FANK1: variants seen among roughly 807,000 people sequenced by gnomAD.
The protein encoded by FANK1 is fibronectin type III and ankyrin repeat domains 1, also known as fibronectin type 3 and ankyrin repeat domains protein 1.
A neutral mutation model predicts 45.3 loss-of-function variants in FANK1; 44 were observed. The ratio of observed to expected loss-of-function variants is 0.97; its 90% CI spans 0.76 to 1.25. FANK1 has a LOEUF of 1.25. Ranked by LOEUF, FANK1 falls within the 50% of genes most tolerant of loss-of-function variation. The pLI is 0.00. For missense variants in FANK1, 391 were observed against 424.4 expected, an observed-to-expected ratio of 0.92 and a Z score of 0.69; for synonymous variants, 149 against 152.5, an observed-to-expected ratio of 0.98 and a Z score of 0.17.
intron 1 of FANK1, among the ~76,000 whole-genome samples, chr10:125,901,694 A>G (rs1379426288): frequency 6.6e-6 from 1 of 152,086 alleles, no homozygotes; most frequent in East Asian, 1.9e-4. Context: ...ATGTCCTTCA[A>G]TCTTTGCCTA....
At chr10:125,918,043 G>A (rs1946592636) in intron 1 of FANK1, among the ~76,000 whole-genome samples, 2 of 151,190 alleles carry the variant, frequency 1.3e-5, no homozygotes, top group African/African-American at 4.9e-5. Context: ...TCATGCCACT[G>A]TACTCCAACC....
Position 125,980,314 on chromosome 10 carries a change from T to A in FANK1, c.167T>A (p.Met56Lys). ...RFSIEEEDPK[M>K]HTYGIIYTGY... is the part of the protein sequence containing the mutation. ...TCGATTGAAGAAGAAGACCCCAAAA[T>A]GCACACTTATGGTATCATTTATACG... is the stretch of plus-strand genomic sequence containing the variant. The change falls in exon 2 of 11, where the codon ATG (methionine) becomes AAG (lysine). Residue 56 changes from methionine to lysine, a missense_variant. Physicochemically the swap from Met to Lys is moderately conservative, Grantham distance 95 (BLOSUM62 -1). Transcript: ENST00000368693. 6.2e-7 allele frequency: 1 copy of A among 1,614,126 alleles called. No individual in the cohort carries two copies. Among genetic ancestry groups the A allele is most frequent in the Non-Finnish European group, 8.5e-7 (1 of 1,180,026 alleles).
intron 1 of FANK1, among the ~76,000 whole-genome samples, chr10:125,935,154 C>A (rs543648116): frequency 2.6e-5 from 4 of 152,204 alleles, no homozygotes; most frequent in Non-Finnish European, 2.9e-5. Context: ...CATTCCTTCA[C>A]GGAAAGTCAG....
intron 3 of FANK1, chr10:125,988,959 C>A: frequency 3.6e-6 from 2 of 550,310 alleles, no homozygotes; most frequent in Non-Finnish European, 3.2e-6. Context: ...GGAAATGGGC[C>A]ACAGGGGTGT....
intron 1 of FANK1, among the ~76,000 whole-genome samples, chr10:125,975,655 C>G (rs1052912022): frequency 1.3e-5 from 2 of 151,998 alleles, no homozygotes; most frequent in East Asian, 1.9e-4. Context: ...GTTTATTTTT[C>G]TCTTGTAAAT....
chr10:126,008,734 T>C (rs948973812), intron 8 of FANK1, among the ~76,000 whole-genome samples, 184 bp downstream of exon 8: 1 of 152,210 alleles, frequency 6.6e-6, no homozygotes, highest in African/African-American at 2.4e-5. Context: ...TTCGTTGTCT[T>C]TTTACAACTA....
chr10:125,926,992 C>G (rs953453461), intron 1 of FANK1, among the ~76,000 whole-genome samples: 2 of 152,204 alleles, frequency 1.3e-5, no homozygotes, highest in Non-Finnish European at 2.9e-5. Flanking sequence ...CCAGAAGCCT[C>G]TCTTCTGTTT....
chr10:125,953,412 G>T (rs541900034), intron 1 of FANK1, among the ~76,000 whole-genome samples: 1 of 152,276 alleles, frequency 6.6e-6, no homozygotes, highest in South Asian at 2.1e-4. Flanking sequence ...TCACCTCAGG[G>T]TGACTGATCA....
rs999474902 is a variant in FANK1 at position 125,980,251 on chromosome 10, C to T, written c.104C>T (p.Ala35Val). Residue 35 changes from alanine (A) to valine (V), a missense_variant, in exon 2 of 11, where the codon GCC (alanine) becomes GTC (valine). Transcript: ENST00000368693. ...IELYWDLEKK[A>V]KRQGPQEQWF... ...TTATACTGGGATCTGGAAAAGAAAG[C>T]CAAACGCCAAGGACCTCAAGAGCAG... The T allele has an allele frequency of 3.8e-5, 61 of 1,613,984 alleles. No individual in the cohort carries two copies. The highest frequency in any genetic ancestry group is 4.9e-5 in the Non-Finnish European group (58 of 1,180,028).
At chr10:125,904,175 C>T (rs1374171258) in intron 1 of FANK1, among the ~76,000 whole-genome samples, 1 of 152,152 alleles carries the variant, frequency 6.6e-6, no homozygotes, top group African/African-American at 2.4e-5. Flanking sequence ...TAAAACCTAT[C>T]TTCTACTCAT....
chr10:125,897,594 T>A (rs1201956422), intron 1 of FANK1, among the ~76,000 whole-genome samples: 1 of 152,304 alleles, frequency 6.6e-6, no homozygotes, highest in Non-Finnish European at 1.5e-5. Flanking sequence ...TTTTTAAAGG[T>A]CATTCGTTTT....
chr10:125,979,562 A>G (rs1413703702), intron 1 of FANK1, among the ~76,000 whole-genome samples: 2 of 152,184 alleles, frequency 1.3e-5, no homozygotes, highest in Admixed American at 1.3e-4. Context: ...TTCTGACTGG[A>G]TATAAAGTTA....
intron 1 of FANK1, among the ~76,000 whole-genome samples, chr10:125,913,639 C>G (rs572264495): frequency 1.3e-5 from 2 of 152,216 alleles, no homozygotes; most frequent in South Asian, 4.1e-4. Flanking sequence ...AATTTTGGCA[C>G]CAACAACATG....
chr10:125,899,069 A>G (rs1204986753), intron 1 of FANK1, among the ~76,000 whole-genome samples: 1 of 151,804 alleles, frequency 6.6e-6, no homozygotes, highest in Non-Finnish European at 1.5e-5. Context: ...TAATTTATTT[A>G]TTTATTTAGA....
At chr10:125,993,562 T>A (rs1365476005) in intron 3 of FANK1, among the ~76,000 whole-genome samples, 1 of 152,154 alleles carries the variant, frequency 6.6e-6, no homozygotes, top group East Asian at 1.9e-4. Context: ...CTCCATCCCC[T>A]TCGTTGTGGC....
intron 1 of FANK1, among the ~76,000 whole-genome samples, chr10:125,896,926 C>A (rs1683588012): frequency 6.6e-6 from 1 of 152,110 alleles, no homozygotes; most frequent in Non-Finnish European, 1.5e-5. Flanking sequence ...TGGGGAAGGG[C>A]GCAGCGACCC....
At position 125,983,242 on chromosome 10, in the gene FANK1, C is replaced by T. The variant is rs1422796155; in HGVS notation, c.191+2904C>T. 6.6e-6 allele frequency among the ~76,000 whole-genome samples: 1 copy of T among 152,084 alleles called. No homozygotes were observed. The highest frequency in any genetic ancestry group is 1.5e-5 in the Non-Finnish European group (1 of 68,032). The stretch of plus-strand genomic sequence containing the variant: ...TTCTGCCCTGGTCAGATTTTACCTC[C>T]ACTGAGAAGCTCTCCTTACTACCCT... On this transcript the variant is annotated intron_variant, in intron 2 of 10. Transcript: ENST00000368693. The surrounding 1 kb of genome is among the most constrained non-coding windows in gnomAD (Gnocchi z 4.3).
intron 1 of FANK1, among the ~76,000 whole-genome samples, chr10:125,950,046 GA>G (rs1320368516): frequency 1.0e-4 from 14 of 134,578 alleles, no homozygotes; most frequent in Non-Finnish European, 2.0e-4. Flanking sequence ...ATGGTGCTGG[GA>G]AAACTGGCTA....
chr10:125,904,219 A>G (rs560513872), intron 1 of FANK1, among the ~76,000 whole-genome samples: 2 of 152,362 alleles, frequency 1.3e-5, no homozygotes, highest in South Asian at 4.1e-4. Context: ...AAAAGATTCC[A>G]CAATTATTAT....
Sources: gnomAD v4.1 joint callset for allele counts (sites outside exome capture counted in the v4.1 genomes callset) on GRCh38, gnomAD v4.1.1 for gene constraint, Gnocchi (gnomAD v3.1) non-coding constraint, MANE v1.5 for transcripts, NCBI Gene and HGNC (gene_info 2026-07-23, HGNC 2026-07-21) for gene names.